The following SLC35B3 variants were observed in gnomAD, a reference collection of about 807,000 sequenced individuals.
SLC35B3 encodes the protein solute carrier family 35 member B3, also known as adenosine 3'-phospho 5'-phosphosulfate transporter 2.
A neutral mutation model predicts 44.1 loss-of-function variants in SLC35B3; 35 were observed. That is an observed-to-expected ratio of 0.79 (90% CI 0.61 to 1.05). The LOEUF is 1.05. Among genes scored for constraint, SLC35B3 ranks in the 50% least tolerant of loss-of-function variants. The pLI, the probability that SLC35B3 is intolerant of heterozygous loss-of-function variation, is 0.00. For synonymous variants in SLC35B3, 146 were observed against 167.3 expected (o/e 0.87, Z 0.98); for missense variants, 414 against 476.4 (o/e 0.87, Z 1.22).
At chr6:8,416,196 A>G (rs1762399037) in intron 9 of SLC35B3, among the ~76,000 whole-genome samples, 2 of 152,200 alleles carry the variant, frequency 1.3e-5, no homozygotes, top group African/African-American at 4.8e-5. Context: ...AGGGCTATGT[A>G]TGCATTAGCT....
intron 4 of SLC35B3, among the ~76,000 whole-genome samples, chr6:8,423,671 G>C (rs1373673662): frequency 6.6e-6 from 1 of 152,074 alleles, no homozygotes; most frequent in East Asian, 1.9e-4. Context: ...TTGAAATCAA[G>C]GCAACAAAAT....
chr6:8,432,056 A>G lies in SLC35B3; in HGVS notation c.4-1899T>C, dbSNP rs1764042267. On this transcript the variant is annotated intron_variant, in intron 2 of 10. Coordinates refer to ENST00000644923, the MANE Select transcript of SLC35B3 (RefSeq NM_001370476.2). This position sits in a 1 kb window ranked among gnomAD's most constrained non-coding sequence, Gnocchi z 4.8. ...GACACCATCACTAATCCCCCCAGTT[A>G]TTAGAAAAGAGAACTTGAAAGGCAA... Among the ~76,000 whole-genome samples, 1 of 152,060 alleles carries G rather than the reference A, an allele frequency of 6.6e-6. No individual in the cohort carries two copies. Among genetic ancestry groups the G allele is most frequent in the Non-Finnish European group, 1.5e-5 (1 of 68,004 alleles).
At chr6:8,418,490 CAT>C (rs1304624178) in intron 7 of SLC35B3, among the ~76,000 whole-genome samples, 3 of 137,800 alleles carry the variant, frequency 2.2e-5, no homozygotes, top group East Asian at 4.2e-4. Flanking sequence ...CACACACACA[CAT>C]ACACACACAT....
chr6:8,435,212 T>A lies in SLC35B3; in HGVS notation c.-44+131A>T. The stretch of plus-strand genomic sequence containing the variant: ...CTCTTTCAAAAAAGGGAATCACCCG[T>A]TTCTTCCATCCCGACCTCATCCATT... On this transcript the variant is annotated intron_variant, in intron 1 of 10. Transcript: ENST00000644923. This position sits in a 1 kb window ranked among gnomAD's most constrained non-coding sequence, Gnocchi z 5.5. The A allele has an allele frequency of 7.8e-7, 1 of 1,289,132 alleles. No individual in the cohort carries two copies. Among genetic ancestry groups the A allele is most frequent in the Non-Finnish European group, 1.0e-6 (1 of 988,826 alleles). 79.9% of individuals were successfully genotyped at this position (1,289,132 alleles called of 1,614,324 possible).
chr6:8,433,438 G>A lies in SLC35B3; in HGVS notation c.3+947C>T, dbSNP rs955351820. ...AGAGATATCTTCCTATGATGTTCTG[G>A]CACATAACAAAAATGTAAGATTAAA... On this transcript the variant is annotated intron_variant, in intron 2 of 10. Coordinates refer to ENST00000644923, the MANE Select transcript of SLC35B3 (RefSeq NM_001370476.2). This position sits in a 1 kb window ranked among gnomAD's most constrained non-coding sequence, Gnocchi z 4.1. Among the ~76,000 whole-genome samples the A allele has an allele frequency of 9.2e-5, 14 of 152,076 alleles. No individual in the cohort carries two copies. Among genetic ancestry groups the A allele is most frequent in the Admixed American group, 7.9e-4 (12 of 15,260 alleles).
At chr6:8,417,750 G>A (rs1394576131) in intron 7 of SLC35B3, among the ~76,000 whole-genome samples, 1 of 150,518 alleles carries the variant, frequency 6.6e-6, no homozygotes, top group Non-Finnish European at 1.5e-5. Flanking sequence ...TTTCTTTCTA[G>A]GCTTAATTAT....
rs1264424067 is a variant in SLC35B3 at position 8,412,573 on chromosome 6, TG to T, written c.*975del. Among the ~76,000 whole-genome samples the T allele has an allele frequency of 1.3e-5, 2 of 152,194 alleles. No individual in the cohort carries two copies. The highest frequency in any genetic ancestry group is 4.8e-5 in the African/African-American group (2 of 41,452). ...AGAATGATGTCTGTTTTTACTACCTTGCCTATATTCTACATAAAACTTAAAG... is the reference window on the plus strand; with the variant it reads ...AGAATGATGTCTGTTTTTACTACCTTCCTATATTCTACATAAAACTTAAAG... On this transcript the variant is annotated 3_prime_UTR_variant, in exon 11 of 11. Transcript: ENST00000644923.
rs1561766818 is a variant in SLC35B3 at position 8,432,179 on chromosome 6, C to T, written c.4-2022G>A. On this transcript the variant is annotated intron_variant, in intron 2 of 10. Transcript: ENST00000644923. This position sits in a 1 kb window ranked among gnomAD's most constrained non-coding sequence, Gnocchi z 4.8. ...ATAAACTGATCCTTCCTCTTGATAC[C>T]CTCAAACTTCAGCTTGCAATCACTC... Among the ~76,000 whole-genome samples the T allele has an allele frequency of 6.6e-6, 1 of 151,808 alleles. No homozygotes were observed. Among genetic ancestry groups the T allele is most frequent in the Non-Finnish European group, 1.5e-5 (1 of 67,980 alleles).
chr6:8,428,104 A>G (rs761053604), intron 3 of SLC35B3, 46 bp from the exon 3 acceptor site: 2 of 1,373,854 alleles, frequency 1.5e-6, no homozygotes, highest in Admixed American at 2.8e-5. Context: ...GCAGCACACT[A>G]ATTTCCTAAA....
At chr6:8,421,227 T>C (rs571112855) in intron 5 of SLC35B3, among the ~76,000 whole-genome samples, 1 of 152,358 alleles carries the variant, frequency 6.6e-6, no homozygotes, top group East Asian at 1.9e-4. Flanking sequence ...TTAATGAGTC[T>C]GGTTACATAA....
At chr6:8,427,829 T>G in intron 4 of SLC35B3, 108 bp downstream of exon 3, 1 of 886,690 alleles carries the variant, frequency 1.1e-6, no homozygotes, top group African/African-American at 1.7e-5. Context: ...TAAGAGTTCG[T>G]GCCTATCACA....
In SLC35B3 at chr6:8,417,429, T is replaced by C. The variant is rs1762512273; in HGVS notation, c.846A>G (p.Leu282=). ...TTGCACAAAATGTTACTGCAGGGCC[T>C]AATCCACTAGTGCATGTCAATCCCA... The change falls in exon 8 of 11, where the codon TTA becomes TTG. Residue 282 remains leucine (L), a synonymous_variant. Transcript: ENST00000644923. 1.2e-6 allele frequency: 2 copies of C among 1,604,882 alleles called. No individual in the cohort carries two copies. Among genetic ancestry groups the C allele is most frequent in the Non-Finnish European group, 1.7e-6 (2 of 1,175,408 alleles).
At chr6:8,429,777 G>A in intron 3 of SLC35B3, 87 bp downstream of exon 2, 2 of 952,666 alleles carry the variant, frequency 2.1e-6, no homozygotes, top group Non-Finnish European at 3.1e-6. Flanking sequence ...TCCCCTAAGT[G>A]ACTATCTTGG....
At chr6:8,427,070 C>G (rs1357253489) in intron 4 of SLC35B3, among the ~76,000 whole-genome samples, 1 of 148,600 alleles carries the variant, frequency 6.7e-6, no homozygotes, top group African/African-American at 2.4e-5. Context: ...AGCAGCAAAG[C>G]CTTCAAAAGG....
chr6:8,422,643 A>C lies in SLC35B3; in HGVS notation c.420-19T>G. ...TGGTATTCTGTAAAAGACAATTTTT[A>C]AAACCTTCATTTTGGGACCCAATTC... is the stretch of plus-strand genomic sequence containing the variant. On this transcript the variant is annotated intron_variant, in intron 4 of 10. Coordinates refer to ENST00000644923, the MANE Select transcript of SLC35B3 (RefSeq NM_001370476.2). 6.3e-7 allele frequency: 1 copy of C among 1,593,684 alleles called. No homozygotes were observed. The highest frequency in any genetic ancestry group is 8.5e-7 in the Non-Finnish European group (1 of 1,171,002).
chr6:8,425,262 G>C (rs1763309537), intron 4 of SLC35B3, among the ~76,000 whole-genome samples: 1 of 152,108 alleles, frequency 6.6e-6, no homozygotes, highest in Non-Finnish European at 1.5e-5. Flanking sequence ...GATAGTATTA[G>C]TGTCTTTTAC....
At chr6:8,418,589 ATAT>A (rs1346667697) in intron 7 of SLC35B3, among the ~76,000 whole-genome samples, 5 of 151,788 alleles carry the variant, frequency 3.3e-5, no homozygotes, top group African/African-American at 1.2e-4. Flanking sequence ...ATACAGAAAG[ATAT>A]TATTTGCAAT....
rs1354717493 is a variant in SLC35B3 at position 8,429,923 on chromosome 6, GAGTA to G, written c.234_237del (p.Thr79SerfsTer14). 5.0e-6 allele frequency: 8 copies of G among 1,610,276 alleles called. No homozygotes were observed. The highest frequency in any genetic ancestry group is 3.4e-5 in the Admixed American group (2 of 59,550). On this transcript the variant is annotated frameshift_variant, in exon 3 of 11. Transcript: ENST00000644923. LOFTEE classifies it high-confidence loss of function. ...ACTCCAGCAACACATATGAAAAACT[GAGTA>G]AGTTTGTTAAACTTGCTGAGATTCA...
rs754810102 is a variant in SLC35B3 at position 8,416,970 on chromosome 6, G to A, written c.899C>T (p.Ala300Val). Residue 300 changes from alanine (A) to valine (V), a missense_variant, in exon 9 of 11, where the codon GCG becomes GTG. Ala to Val is a moderately conservative substitution (Grantham distance 64). Transcript: ENST00000644923. ...ATATCCAGTGAGGGAAAAAAGGAAC[G>A]CATAACCATAGGTCCGAACTGGATT... 5 of 1,601,436 alleles carry A rather than the reference G, an allele frequency of 3.1e-6. No homozygotes were observed. Among genetic ancestry groups the A allele is most frequent in the East Asian group, 4.5e-5 (2 of 44,326 alleles).
Sources: gnomAD v4.1 joint callset for allele counts (sites outside exome capture counted in the v4.1 genomes callset) on GRCh38, gnomAD v4.1.1 for gene constraint, Gnocchi (gnomAD v3.1) non-coding constraint, MANE v1.5 for transcripts, NCBI Gene and HGNC (gene_info 2026-07-23, HGNC 2026-07-21) for gene names.